The following MME variants were observed in gnomAD, a reference collection of about 807,000 sequenced individuals.
MME encodes neprilysin.
A neutral mutation model predicts 113.2 loss-of-function variants in MME; 98 were observed. The ratio of observed to expected loss-of-function variants is 0.87; its 90% confidence interval spans 0.74 to 1.02. MME has a LOEUF of 1.02. MME is among the 50% of genes least tolerant of loss of function. MME has a pLI of 0.00. For missense variants in MME, 836 were observed against 896.0 expected, an observed-to-expected ratio of 0.93 and a Z score of 0.86; for synonymous variants, 292 against 300.6, an observed-to-expected ratio of 0.97 and a Z score of 0.30.
At chr3:155,121,469 G>A (rs1209858485) in intron 8 of MME, among the ~76,000 whole-genome samples, 1 of 149,616 alleles carries the variant, frequency 6.7e-6, no homozygotes, top group East Asian at 2.0e-4. Context: ...TAGGAGTGGT[G>A]AGAGAGGACA....
chr3:155,118,146 G>A (rs1194117946), intron 7 of MME, among the ~76,000 whole-genome samples: 1 of 152,164 alleles, frequency 6.6e-6, no homozygotes, highest in Non-Finnish European at 1.5e-5. Context: ...GGAGAACCAA[G>A]GAGAAGTCGC....
At chr3:155,103,480 C>T (rs1027382254) in intron 3 of MME, among the ~76,000 whole-genome samples, 1 of 152,180 alleles carries the variant, frequency 6.6e-6, no homozygotes, top group Non-Finnish European at 1.5e-5. Context: ...AAGTCAATTA[C>T]GCTCTTCTCA....
intron 8 of MME, 149 bp from the exon 9 acceptor site, chr3:155,137,953 G>C: frequency 2.3e-6 from 2 of 854,950 alleles, no homozygotes; most frequent in South Asian, 1.5e-5. Flanking sequence ...AATCTGTGCA[G>C]GTCATTTCTT....
At chr3:155,143,112 CCATTA>C (rs1168774676) in intron 12 of MME, among the ~76,000 whole-genome samples, 4 of 152,116 alleles carry the variant, frequency 2.6e-5, no homozygotes, top group African/African-American at 9.7e-5. Flanking sequence ...CATATTTCCC[CCATTA>C]CATTTATTGA....
intron 4 of MME, 148 bp from the exon 5 acceptor site, chr3:155,116,331 G>A: frequency 6.1e-6 from 4 of 658,338 alleles, no homozygotes; most frequent in South Asian, 5.1e-5. Flanking sequence ...GGAACTGGGG[G>A]GAGGAAATGA....
At chr3:155,132,143 C>A (rs780489600) in intron 8 of MME, among the ~76,000 whole-genome samples, 2 of 152,144 alleles carry the variant, frequency 1.3e-5, no homozygotes, top group Non-Finnish European at 2.9e-5. Context: ...CTAGGTTACC[C>A]AGATATCAAT....
intron 1 of MME, among the ~76,000 whole-genome samples, chr3:155,072,916 C>T (rs1191028883): frequency 6.6e-6 from 1 of 152,102 alleles, no homozygotes; most frequent in Non-Finnish European, 1.5e-5. Context: ...CTTTTATTAG[C>T]CTATAAAATG....
At chr3:155,105,180 A>T (rs1717587144) in intron 3 of MME, among the ~76,000 whole-genome samples, 1 of 152,192 alleles carries the variant, frequency 6.6e-6, no homozygotes. Context: ...ATTATTGTGA[A>T]TCCATTAGAC....
At chr3:155,035,002 G>C (rs1713084010) in intron 1 of MME, among the ~76,000 whole-genome samples, 1 of 152,050 alleles carries the variant, frequency 6.6e-6, no homozygotes, top group South Asian at 2.1e-4. Flanking sequence ...GACTCAGGAA[G>C]GGAATGTACC....
chr3:155,039,579 C>G (rs181628178), intron 1 of MME, among the ~76,000 whole-genome samples: 6 of 151,730 alleles, frequency 4.0e-5, no homozygotes, highest in Non-Finnish European at 8.8e-5. Context: ...AAAAACTGAC[C>G]AAAGGAATCT....
intron 18 of MME, 103 bp downstream of exon 18, chr3:155,167,124 G>C: frequency 2.1e-6 from 3 of 1,413,422 alleles, no homozygotes; most frequent in South Asian, 1.2e-5. Context: ...ATTCAAACAT[G>C]TATCATTTCT....
chr3:155,162,500 G>T (rs1021970199), intron 17 of MME, among the ~76,000 whole-genome samples: 1 of 151,824 alleles, frequency 6.6e-6, no homozygotes, highest in Non-Finnish European at 1.5e-5. Flanking sequence ...ATATAAAAAA[G>T]ACCTTTTCCA....
At chr3:155,178,576 G>A (rs1278604136) in intron 22 of MME, among the ~76,000 whole-genome samples, 4 of 152,096 alleles carry the variant, frequency 2.6e-5, no homozygotes, top group African/African-American at 9.7e-5. Context: ...GCTGGACTTT[G>A]GGGGTGCAGC....
At chr3:155,097,719 G>A (rs1466441415) in intron 3 of MME, among the ~76,000 whole-genome samples, 1 of 152,208 alleles carries the variant, frequency 6.6e-6, no homozygotes, top group Non-Finnish European at 1.5e-5. Context: ...GGGACAGGAA[G>A]TTGAATGGGT....
At chr3:155,035,685 G>GT (rs1398760428) in intron 1 of MME, among the ~76,000 whole-genome samples, 1 of 152,188 alleles carries the variant, frequency 6.6e-6, no homozygotes. Flanking sequence ...TCCTTGACAT[G>GT]TTTAAGTTCA....
chr3:155,116,041 T>C (rs1199394497), intron 4 of MME, among the ~76,000 whole-genome samples: 1 of 152,264 alleles, frequency 6.6e-6, no homozygotes, highest in Middle Eastern at 3.4e-3. Flanking sequence ...ATTTGGAGCA[T>C]GAACGGTACA....
At chr3:155,078,418 G>T (rs763724936), upstream of MME, among the ~76,000 whole-genome samples, 1 of 152,020 alleles carries the variant, frequency 6.6e-6, no homozygotes, top group Admixed American at 6.6e-5. Flanking sequence ...TATATTAATC[G>T]AATTATTTAA....
Position 155,142,037 on chromosome 3 carries a change from A to T in MME, c.1004A>T (p.Asn335Ile). ...ACAAATGAAATCATGTCAACTGTGA[A>T]TATTAGTATTACAAATGAGGAAGAT... ...NFTNEIMSTVNISITNEEDVV... is the reference protein window; with the variant it reads ...NFTNEIMSTVIISITNEEDVV... Residue 335 changes from asparagine (N) to isoleucine (I), a missense_variant, in exon 11 of 23, where the codon AAT becomes ATT. Transcript: ENST00000360490. 1 of 1,613,654 alleles carries T rather than the reference A, an allele frequency of 6.2e-7. No homozygotes were observed. The highest frequency in any genetic ancestry group is 8.5e-7 in the Non-Finnish European group (1 of 1,179,678).
intron 3 of MME, among the ~76,000 whole-genome samples, chr3:155,088,513 A>G (rs370151263): frequency 0.011 from 1,617 of 152,104 alleles, 8 homozygotes; most frequent in Non-Finnish European, 0.018. Context: ...GAGAAAACCC[A>G]TCTCTACTAA....
Sources: allele counts gnomAD v4.1 joint callset (sites outside exome capture counted in the v4.1 genomes callset), GRCh38; gene constraint gnomAD v4.1.1; transcripts MANE v1.5; gene names NCBI Gene and HGNC (gene_info 2026-07-23, HGNC 2026-07-21).